HLA-DRB5: variants seen among roughly 807,000 people sequenced by gnomAD.
HLA-DRB5 encodes major histocompatibility complex, class II, DR beta 5.
A neutral mutation model predicts 22.4 loss-of-function variants in HLA-DRB5; 11 were observed. That is an observed-to-expected ratio of 0.49 (90% CI 0.31 to 0.81). HLA-DRB5 has a LOEUF of 0.81. Among genes scored for constraint, HLA-DRB5 ranks in the 40% least tolerant of loss-of-function variants. The pLI is 0.05. For synonymous variants in HLA-DRB5, 57 were observed against 106.0 expected (o/e 0.54, Z 2.84); for missense variants, 106 against 274.4 (o/e 0.39, Z 4.34).
chr6:32,520,768 G>C (rs143375763), intron 2 of HLA-DRB5, among the ~76,000 whole-genome samples: 7,019 of 29,760 alleles, frequency 0.24, 2,318 homozygotes, highest in Non-Finnish European at 0.27. Context: ...AAAAGTTTTG[G>C]AATATATTTT....
At chr6:32,521,236 A>AT (rs202025476) in intron 2 of HLA-DRB5, among the ~76,000 whole-genome samples, 23,472 of 44,994 alleles carry the variant, frequency 0.52, 7,042 homozygotes, top group Middle Eastern at 0.69. Context: ...TAAAATTTTA[A>AT]TCAAAAAGTT....
intron 1 of HLA-DRB5, among the ~76,000 whole-genome samples, chr6:32,524,534 G>A (rs1356455534): frequency 1.2e-5 from 1 of 81,456 alleles, no homozygotes; most frequent in Non-Finnish European, 2.5e-5. Flanking sequence ...CAGAAACCAA[G>A]AAAATGACGT....
chr6:32,528,437 T>C (rs1320922049), intron 1 of HLA-DRB5, among the ~76,000 whole-genome samples: 726 of 77,706 alleles, frequency 9.3e-3, no homozygotes, highest in Admixed American at 0.014. Context: ...GTGGTTTATA[T>C]TAATAAACCA....
At chr6:32,526,017 CTT>C (rs1312258096) in intron 1 of HLA-DRB5, among the ~76,000 whole-genome samples, 26 of 68,810 alleles carry the variant, frequency 3.8e-4, no homozygotes, top group East Asian at 7.4e-4. Flanking sequence ...GGTCCTCCTG[CTT>C]CTCTTCAGCC....
At chr6:32,521,497 A>C (rs1340142957) in intron 2 of HLA-DRB5, among the ~76,000 whole-genome samples, 1 of 126,902 alleles carries the variant, frequency 7.9e-6, no homozygotes, top group Non-Finnish European at 1.7e-5. Context: ...CACACCCCTC[A>C]GCTCTCCTCC....
intron 3 of HLA-DRB5, among the ~76,000 whole-genome samples, 177 bp from the exon 4 acceptor site, chr6:32,518,843 T>C (rs951625502): frequency 0.028 from 1,632 of 58,378 alleles, no homozygotes; most frequent in Middle Eastern, 0.052. Flanking sequence ...GTTACAAGTT[T>C]CAGGGATCAA....
At chr6:32,521,863 C>T (rs199880999) in intron 2 of HLA-DRB5, 42 bp downstream of exon 2, 58,474 of 843,046 alleles carry the variant, frequency 0.069, 15,373 homozygotes, top group Admixed American at 0.16. Context: ...ACTCAGATTC[C>T]CAGCTCACAA....
chr6:32,520,312 A>G (rs958092511), intron 2 of HLA-DRB5, among the ~76,000 whole-genome samples: 3,917 of 59,902 alleles, frequency 0.065, 323 homozygotes, highest in Admixed American at 0.1. Flanking sequence ...ACTGAGTATG[A>G]ATGTTTAGGA....
intron 1 of HLA-DRB5, among the ~76,000 whole-genome samples, chr6:32,523,055 C>T (rs114283998): frequency 0.047 from 5,282 of 113,022 alleles, 150 homozygotes; most frequent in Admixed American, 0.11. Context: ...TCACAAGAAG[C>T]CAGGTATTGA....
rs1769635624 is a variant in HLA-DRB5, at chr6:32,526,327, TA to T, written c.100+3797del. ...AAATCTATTTTTCTTGACTTACACA[TA>T]TGATGTAATCTTGGTTTTTTCCCAA... On this transcript the variant is annotated intron_variant, in intron 1 of 5. Transcript: ENST00000374975. Among the ~76,000 whole-genome samples, 7 of 23,154 alleles carry T rather than the reference TA, an allele frequency of 3.0e-4. 1 individual carries two copies. Among genetic ancestry groups the T allele is most frequent in the Admixed American group, 5.9e-4 (1 of 1,686 alleles). 15.2% of individuals were successfully genotyped at this position (23,154 alleles called of 152,430 possible).
chr6:32,526,326 A>G lies in HLA-DRB5; in HGVS notation c.100+3799T>C, dbSNP rs186841239. 2.0e-3 allele frequency among the ~76,000 whole-genome samples: 43 copies of G among 21,726 alleles called. 2 individuals are homozygous for G. Among genetic ancestry groups the G allele is most frequent in the South Asian group, 4.6e-3 (4 of 868 alleles). 14.3% of individuals were successfully genotyped at this position (21,726 alleles called of 152,430 possible). On this transcript the variant is annotated intron_variant, in intron 1 of 5. Transcript: ENST00000374975. ...AAAATCTATTTTTCTTGACTTACACATATGATGTAATCTTGGTTTTTTCCC... is the reference window on the plus strand; with the variant it reads ...AAAATCTATTTTTCTTGACTTACACGTATGATGTAATCTTGGTTTTTTCCC...
chr6:32,529,106 C>T (rs111365634), intron 1 of HLA-DRB5, among the ~76,000 whole-genome samples: 117,365 of 139,298 alleles, frequency 0.84, 50,091 homozygotes, highest in Middle Eastern at 0.89. Flanking sequence ...GAGGGCATGA[C>T]GGGTGAACCT....
intron 1 of HLA-DRB5, among the ~76,000 whole-genome samples, chr6:32,526,182 T>C (rs72508455): frequency 0.55 from 23,851 of 43,352 alleles, 9,140 homozygotes; most frequent in Middle Eastern, 0.78. Context: ...CTGGATACTC[T>C]ACTGACTGCA....
At chr6:32,523,679 A>G (rs908781540) in intron 1 of HLA-DRB5, among the ~76,000 whole-genome samples, 2,664 of 106,002 alleles carry the variant, frequency 0.025, no homozygotes, top group East Asian at 0.035. Flanking sequence ...CTATGAAGCT[A>G]TTAAACTTGC....
intron 3 of HLA-DRB5, among the ~76,000 whole-genome samples, chr6:32,518,911 A>C (rs1768445938): frequency 1.7e-5 from 1 of 58,250 alleles, no homozygotes. Flanking sequence ...TGATAAACAG[A>C]AAGCCTGAGA....
chr6:32,523,900 GGTA>G (rs1562441035), intron 1 of HLA-DRB5, among the ~76,000 whole-genome samples: 9,620 of 82,800 alleles, frequency 0.12, 8 homozygotes, highest in Middle Eastern at 0.16. Context: ...ATTCTTTGTT[GGTA>G]AAGGAGGCTG....
intron 1 of HLA-DRB5, among the ~76,000 whole-genome samples, chr6:32,526,413 G>C (rs116019553): frequency 0.017 from 429 of 25,826 alleles, 207 homozygotes; most frequent in Admixed American, 0.026. Context: ...TTTTTCTCCA[G>C]ACAATCTCCC....
At chr6:32,529,911 T>C (rs556398609) in intron 1 of HLA-DRB5, among the ~76,000 whole-genome samples, 12 of 139,156 alleles carry the variant, frequency 8.6e-5, no homozygotes, top group Non-Finnish European at 1.4e-4. Context: ...TGAGAAGAAA[T>C]GACCTGTATG....
At chr6:32,527,020 T>C (rs183625731) in intron 1 of HLA-DRB5, among the ~76,000 whole-genome samples, 635 of 34,324 alleles carry the variant, frequency 0.019, 25 homozygotes, top group Admixed American at 0.023. Flanking sequence ...TTGATATTTC[T>C]ACCCCCTTTA....
Sources: gnomAD v4.1 joint callset for allele counts (sites outside exome capture counted in the v4.1 genomes callset) on GRCh38, gnomAD v4.1.1 for gene constraint, MANE v1.5 for transcripts, NCBI Gene and HGNC (gene_info 2026-07-23, HGNC 2026-07-21) for gene names.